DOCK1: variants seen among roughly 807,000 people sequenced by gnomAD.
DOCK1 encodes the protein dedicator of cytokinesis protein 1.
A neutral mutation model predicts 262.7 loss-of-function variants in DOCK1; 138 were observed. That is an observed-to-expected ratio of 0.53 (90% CI 0.46 to 0.61). The LOEUF is 0.61. DOCK1 is among the 20% of genes least tolerant of loss of function. The probability of loss-of-function intolerance (pLI) is 0.00; values close to 1 mark genes in which losing one functional copy is unlikely to be tolerated. For missense variants in DOCK1, 1,908 were observed against 2,370.7 expected (o/e 0.80, Z 4.05); for synonymous variants, 866 against 867.4 (o/e 1.00, Z 0.03).
intron 32 of DOCK1, among the ~76,000 whole-genome samples, chr10:127,361,716 G>C (rs908091109): frequency 7.2e-5 from 11 of 152,154 alleles, no homozygotes; most frequent in Admixed American, 7.2e-4. Flanking sequence ...CGCAGCCCCT[G>C]CTCTATTCAG....
intron 29 of DOCK1, among the ~76,000 whole-genome samples, chr10:127,259,490 A>G (rs990873128): frequency 6.6e-6 from 1 of 152,114 alleles, no homozygotes; most frequent in African/African-American, 2.4e-5. Context: ...CATAGATCTC[A>G]TGACATCATT....
At chr10:127,439,292 A>G in intron 49 of DOCK1, 67 bp downstream of exon 49, 9 of 1,508,062 alleles carry the variant, frequency 6.0e-6, no homozygotes, top group Non-Finnish European at 4.5e-6. Flanking sequence ...CCCCACCTGT[A>G]GCCAACAGGG....
At position 127,112,196 on chromosome 10, in the gene DOCK1, G is replaced by GAAAATAC. The variant is rs773808920; in HGVS notation, c.2623+1843_2623+1844insAAATACA. Among the ~76,000 whole-genome samples, 9 of 152,184 alleles carry GAAAATAC rather than the reference G, an allele frequency of 5.9e-5. No individual in the cohort carries two copies. In the South Asian group the frequency reaches 1.0e-3, roughly 18 times the overall value. On this transcript the variant is annotated intron_variant, in intron 25 of 51. Coordinates refer to ENST00000623213, the MANE Select transcript of DOCK1 (RefSeq NM_001290223.2). ...CTAGCTAATTTCTGTATTTTTAGTA[G>GAAAATAC]AGATGGGGTTTCACCATGTTGGTCA... is the stretch of plus-strand genomic sequence containing the variant.
rs1016811300 is a variant in DOCK1, at chr10:127,446,988, T to C, written c.5414-406T>C. Among the ~76,000 whole-genome samples the C allele has an allele frequency of 2.0e-5, 3 of 152,136 alleles. No homozygotes were observed. The highest frequency in any genetic ancestry group is 7.2e-5 in the African/African-American group (3 of 41,432). ...TCCAGGTGATAACTGCAGGGGTGAC[T>C]GCAGGGGCCTGGCTTGGCTTCGAAA... On this transcript the variant is annotated intron_variant, in intron 50 of 51. Coordinates refer to ENST00000623213, the MANE Select transcript of DOCK1 (RefSeq NM_001290223.2). The surrounding 1 kb of genome is among the most constrained non-coding windows in gnomAD (Gnocchi z 4.4).
chr10:127,442,821 G>T (rs1454164107), intron 49 of DOCK1, among the ~76,000 whole-genome samples: 13 of 152,208 alleles, frequency 8.5e-5, no homozygotes, highest in Admixed American at 8.5e-4. Context: ...CACGGATGTT[G>T]CCCCGTGTGT....
At chr10:126,963,633 C>CCCTCCTTCCTTCCTTCCTT (rs1554962842) in intron 1 of DOCK1, among the ~76,000 whole-genome samples, 1 of 65,862 alleles carries the variant, frequency 1.5e-5, no homozygotes, top group Non-Finnish European at 2.6e-5. Context: ...CCCTTCCCTT[C>CCCTCCTTCCTTCCTTCCTT]CCTTCCCTCC....
intron 1 of DOCK1, among the ~76,000 whole-genome samples, chr10:126,924,018 T>C (rs1232975442): frequency 6.6e-6 from 1 of 152,160 alleles, no homozygotes; most frequent in Admixed American, 6.5e-5. Context: ...GCCTGGTTTA[T>C]GATATTTTGA....
intron 27 of DOCK1, among the ~76,000 whole-genome samples, chr10:127,194,244 T>C (rs1053806617): frequency 6.6e-6 from 1 of 152,238 alleles, no homozygotes; most frequent in Non-Finnish European, 1.5e-5. Flanking sequence ...ACTTTTTCTT[T>C]TCCTTAACCA....
chr10:127,223,786 G>A (rs1368844322), intron 27 of DOCK1, among the ~76,000 whole-genome samples: 2 of 152,138 alleles, frequency 1.3e-5, no homozygotes, highest in African/African-American at 4.8e-5. Flanking sequence ...TTAAGAAGTG[G>A]CCTTTTTAGG....
intron 1 of DOCK1, among the ~76,000 whole-genome samples, chr10:126,955,529 C>A (rs1272900378): frequency 6.6e-6 from 1 of 152,092 alleles, no homozygotes; most frequent in Admixed American, 6.5e-5. Context: ...TCTGTGGAGC[C>A]CCGCCCATGT....
chr10:127,269,933 C>A (rs2060500392), intron 29 of DOCK1, among the ~76,000 whole-genome samples: 1 of 152,350 alleles, frequency 6.6e-6, no homozygotes, highest in Admixed American at 6.5e-5. Flanking sequence ...TGAATGCCAG[C>A]TCCTGACCAC....
intron 27 of DOCK1, among the ~76,000 whole-genome samples, chr10:127,200,517 C>T (rs1385325882): frequency 6.6e-6 from 1 of 152,040 alleles, no homozygotes; most frequent in South Asian, 2.1e-4. Flanking sequence ...CTCCCATGTT[C>T]AAGCAATTCT....
At chr10:127,065,437 C>T (rs757706297) in intron 23 of DOCK1, among the ~76,000 whole-genome samples, 17 of 152,298 alleles carry the variant, frequency 1.1e-4, no homozygotes, top group South Asian at 2.1e-4. Context: ...TGCCTCCGCA[C>T]CTGTCCCTGG....
intron 29 of DOCK1, among the ~76,000 whole-genome samples, chr10:127,280,927 A>T (rs1038930872): frequency 2.6e-5 from 4 of 152,200 alleles, no homozygotes; most frequent in Non-Finnish European, 4.4e-5. Context: ...CCCATGGTCC[A>T]TATTTTATTC....
intron 1 of DOCK1, among the ~76,000 whole-genome samples, chr10:126,944,250 G>A (rs1226602857): frequency 6.6e-6 from 1 of 151,954 alleles, no homozygotes; most frequent in Admixed American, 6.6e-5. Flanking sequence ...GGGGCTGCTG[G>A]TCTCCGGTGG....
intron 38 of DOCK1, among the ~76,000 whole-genome samples, chr10:127,401,433 G>A (rs2067218690): frequency 6.6e-6 from 1 of 152,182 alleles, no homozygotes; most frequent in African/African-American, 2.4e-5. Context: ...AAGTACACTT[G>A]GAAGAGGGCC....
intron 29 of DOCK1, among the ~76,000 whole-genome samples, chr10:127,306,430 A>G (rs1002847488): frequency 1.3e-5 from 2 of 152,152 alleles, no homozygotes; most frequent in Non-Finnish European, 2.9e-5. Flanking sequence ...TTTCATCTGA[A>G]TGGACTGTTG....
intron 23 of DOCK1, among the ~76,000 whole-genome samples, chr10:127,076,474 C>T (rs2135970169): frequency 6.6e-6 from 1 of 152,288 alleles, no homozygotes; most frequent in East Asian, 1.9e-4. Flanking sequence ...GCACTCCAGC[C>T]TGGATGACAG....
chr10:127,412,797 C>G (rs2067938865), intron 43 of DOCK1, among the ~76,000 whole-genome samples: 1 of 152,230 alleles, frequency 6.6e-6, no homozygotes, highest in African/African-American at 2.4e-5. Flanking sequence ...CCTTCCAGCC[C>G]CGAGGCCAGA....
Sources: allele counts gnomAD v4.1 joint callset (sites outside exome capture counted in the v4.1 genomes callset), GRCh38; gene constraint gnomAD v4.1.1; non-coding constraint Gnocchi (gnomAD v3.1); transcripts MANE v1.5; gene names NCBI Gene and HGNC (gene_info 2026-07-23, HGNC 2026-07-21).